Variants in OSMR observed in about 807,000 individuals in gnomAD.
OSMR encodes oncostatin M receptor, also known as oncostatin-M-specific receptor subunit beta.
A neutral mutation model predicts 99.9 loss-of-function variants in OSMR; 81 were observed. The ratio of observed to expected loss-of-function variants is 0.81; its 90% confidence interval spans 0.68 to 0.97. The LOEUF (loss-of-function observed/expected upper bound fraction) is 0.97. Among genes scored for constraint, OSMR ranks in the 50% least tolerant of loss-of-function variants. The probability of loss-of-function intolerance (pLI) is 0.00; values close to 1 mark genes in which losing one functional copy is unlikely to be tolerated. For missense variants in OSMR, 1,099 were observed against 1,153.4 expected (o/e 0.95, Z 0.68); for synonymous variants, 406 against 410.4 (o/e 0.99, Z 0.13).
At chr5:38,928,735 T>G (rs147289182) in intron 15 of OSMR, among the ~76,000 whole-genome samples, 2 of 152,326 alleles carry the variant, frequency 1.3e-5, no homozygotes, top group Non-Finnish European at 2.9e-5. Context: ...TGTTGACTAC[T>G]ACACTGAAAC....
chr5:38,942,402 C>T (rs2112778750), intron 1 of OSMR: 1 of 1,465,368 alleles, frequency 6.8e-7, no homozygotes, highest in Non-Finnish European at 9.5e-7. Flanking sequence ...GGTGTATCAT[C>T]AATTACTTTT....
chr5:38,896,318 T>G (rs1410320104), intron 7 of OSMR, among the ~76,000 whole-genome samples: 9 of 152,162 alleles, frequency 5.9e-5, no homozygotes, highest in Admixed American at 5.9e-4. Context: ...TTCTTCAATT[T>G]CTTTTATCAA....
downstream of OSMR, chr5:38,940,130 T>TAAAAAAAAAAA (rs1554057737): frequency 1.1e-4 from 9 of 80,474 alleles, no homozygotes; most frequent in South Asian, 5.1e-4. Flanking sequence ...AAAGTAACAG[T>TAAAAAAAAAAA]AAAAAAAAAA....
intron 6 of OSMR, 79 bp from the exon 7 acceptor site, chr5:38,885,960 C>G (rs952522423): frequency 6.3e-7 from 1 of 1,576,048 alleles, no homozygotes; most frequent in Admixed American, 1.8e-5. Flanking sequence ...TGAGTATGCC[C>G]TGAGGGATAA....
chr5:38,930,927 TG>T (rs1579815499), intron 15 of OSMR, among the ~76,000 whole-genome samples: 2 of 57,174 alleles, frequency 3.5e-5, no homozygotes, highest in East Asian at 1.3e-3. Context: ...ATTTTGTGTG[TG>T]TGTGTGTGTG....
chr5:38,883,009 A>G (rs1253986587), intron 4 of OSMR, among the ~76,000 whole-genome samples: 1 of 152,180 alleles, frequency 6.6e-6, no homozygotes, highest in East Asian at 1.9e-4. Context: ...AGGGAAAGAA[A>G]AGATATTAAA....
chr5:38,881,432 G>A (rs1743271304), intron 3 of OSMR, 161 bp from the exon 4 acceptor site: 1 of 978,090 alleles, frequency 1.0e-6, no homozygotes, highest in African/African-American at 1.8e-5. Context: ...CCCATGCGAG[G>A]CATCAGAACA....
At chr5:38,921,401 G>T (rs1160460057) in intron 11 of OSMR, 1 of 757,376 alleles carries the variant, frequency 1.3e-6, no homozygotes, top group Non-Finnish European at 1.6e-6. Context: ...CAACATGATG[G>T]GCATCTGAAG....
At chr5:38,853,058 T>A (rs1740551750) in intron 1 of OSMR, among the ~76,000 whole-genome samples, 1 of 152,198 alleles carries the variant, frequency 6.6e-6, no homozygotes, top group Non-Finnish European at 1.5e-5. Flanking sequence ...AGCACTAAAA[T>A]GTTTCAATGT....
chr5:38,892,421 G>A (rs1744221093), intron 7 of OSMR, among the ~76,000 whole-genome samples: 1 of 152,056 alleles, frequency 6.6e-6, no homozygotes, highest in Admixed American at 6.6e-5. Context: ...TCCAACCCCA[G>A]TCTAGCCCCT....
chr5:38,929,613 A>G (rs357276), intron 15 of OSMR, among the ~76,000 whole-genome samples: 5,009 of 152,296 alleles, frequency 0.033, 137 homozygotes, highest in South Asian at 0.081. Context: ...TGCTGGTGGG[A>G]GTAAATTGGT....
downstream of OSMR, among the ~76,000 whole-genome samples, chr5:38,936,481 C>G (rs1391571494): frequency 6.6e-6 from 1 of 152,176 alleles, no homozygotes; most frequent in African/African-American, 2.4e-5. Context: ...GGGAACTCGA[C>G]AATTCAAGAT....
intron 9 of OSMR, among the ~76,000 whole-genome samples, chr5:38,905,837 A>G (rs1745192997): frequency 6.6e-6 from 1 of 152,086 alleles, no homozygotes; most frequent in Non-Finnish European, 1.5e-5. Context: ...TATGTATTTT[A>G]TTATTCTTCT....
At chr5:38,916,319 C>G (rs1172007769) in intron 9 of OSMR, among the ~76,000 whole-genome samples, 7 of 152,272 alleles carry the variant, frequency 4.6e-5, no homozygotes, top group Non-Finnish European at 8.8e-5. Flanking sequence ...CTTCAATTGA[C>G]CATCCATTTT....
At chr5:38,901,627 A>G (rs531687484) in intron 7 of OSMR, among the ~76,000 whole-genome samples, 1 of 152,304 alleles carries the variant, frequency 6.6e-6, no homozygotes, top group African/African-American at 2.4e-5. Context: ...AGCAACTTAT[A>G]TGTCCAAAAT....
downstream of OSMR, chr5:38,938,909 T>A: frequency 4.3e-6 from 1 of 233,060 alleles, no homozygotes. Flanking sequence ...GTCTCTCAAT[T>A]TTACCTTTTC....
chr5:38,909,401 C>T (rs1745434648), intron 9 of OSMR, among the ~76,000 whole-genome samples: 1 of 152,068 alleles, frequency 6.6e-6, no homozygotes, highest in Non-Finnish European at 1.5e-5. Context: ...ATGACCATCC[C>T]AAAGACACCA....
At chr5:38,879,504 T>G (rs926334543) in intron 3 of OSMR, among the ~76,000 whole-genome samples, 2 of 152,094 alleles carry the variant, frequency 1.3e-5, no homozygotes, top group African/African-American at 4.8e-5. Flanking sequence ...TGGCTGCATT[T>G]AAGGGACAGA....
chr5:38,861,406 C>T (rs1741298659), intron 1 of OSMR, among the ~76,000 whole-genome samples: 1 of 152,038 alleles, frequency 6.6e-6, no homozygotes, highest in Non-Finnish European at 1.5e-5. Flanking sequence ...TGAGTGGACA[C>T]AGCACATGTT....
Sources: gnomAD v4.1 joint callset for allele counts (sites outside exome capture counted in the v4.1 genomes callset) on GRCh38, gnomAD v4.1.1 for gene constraint, MANE v1.5 for transcripts, NCBI Gene and HGNC (gene_info 2026-07-23, HGNC 2026-07-21) for gene names.